Variants in NWD2 observed in about 807,000 individuals in gnomAD.
NWD2 encodes the protein NACHT and WD repeat domain containing 2.
A neutral mutation model predicts 132.7 loss-of-function variants in NWD2; 37 were observed. The observed-to-expected ratio is 0.28, with a 90% CI of 0.21 to 0.37. The LOEUF (loss-of-function observed/expected upper bound fraction) is 0.37. Among genes scored for constraint, NWD2 ranks in the 10% least tolerant of loss-of-function variants. NWD2 has a pLI of 1.00. For synonymous variants in NWD2, 705 were observed against 803.0 expected (o/e 0.88, Z 2.06); for missense variants, 1,592 against 2,122.4 (o/e 0.75, Z 4.91).
chr4:37,262,286 T>C (rs188784628), intron 1 of NWD2, among the ~76,000 whole-genome samples: 29 of 152,338 alleles, frequency 1.9e-4, no homozygotes, highest in Admixed American at 1.8e-3. Context: ...ACTCATTGAT[T>C]CAATTCATTT....
At chr4:37,333,465 A>G (rs1482046287) in intron 2 of NWD2, among the ~76,000 whole-genome samples, 1 of 152,202 alleles carries the variant, frequency 6.6e-6, no homozygotes, top group Non-Finnish European at 1.5e-5. Context: ...ATTCTTCTAG[A>G]TCTTATCCAA....
At position 37,445,654 on chromosome 4, in the gene NWD2, G is replaced by T. The variant is rs1259859183; in HGVS notation, c.3666G>T (p.Val1222=). The stretch of plus-strand genomic sequence containing the variant: ...TCTTAGATACTGGTCTGTGGAAGGT[G>T]GCTGAAAAGTTCAGAGCCAAGCACA... The part of the protein sequence containing the change: ...IELLDTGLWK[V]AEKFRAKHNE... Residue 1222 remains valine (V), a synonymous_variant, in exon 7 of 7, where the codon GTG becomes GTT. Transcript: ENST00000309447. The surrounding 1 kb of genome is among the most constrained non-coding windows in gnomAD (Gnocchi z 4.7). 2.6e-6 allele frequency: 4 copies of T among 1,552,192 alleles called. No individual in the cohort carries two copies. Among genetic ancestry groups the T allele is most frequent in the Non-Finnish European group, 3.5e-6 (4 of 1,147,122 alleles).
At chr4:37,270,215 A>ATTTTAT (rs1717839248) in intron 1 of NWD2, among the ~76,000 whole-genome samples, 1 of 151,858 alleles carries the variant, frequency 6.6e-6, no homozygotes, top group South Asian at 2.1e-4. Flanking sequence ...GAATAAGGTT[A>ATTTTAT]ACCATGCTCA....
intron 2 of NWD2, among the ~76,000 whole-genome samples, chr4:37,329,422 G>A (rs982013894): frequency 5.9e-5 from 9 of 152,150 alleles, no homozygotes; most frequent in East Asian, 1.9e-4. Context: ...AGAAAGACTC[G>A]GTGATAAGGC....
chr4:37,379,596 A>T (rs1321246261), intron 3 of NWD2, among the ~76,000 whole-genome samples: 1 of 152,150 alleles, frequency 6.6e-6, no homozygotes, highest in East Asian at 1.9e-4. Flanking sequence ...GTTCACTGAG[A>T]CACGGAATTG....
At position 37,287,506 on chromosome 4, in the gene NWD2, C is replaced by T. The variant is rs555260106; in HGVS notation, c.152-38430C>T. Among the ~76,000 whole-genome samples, 191 of 152,276 alleles carry T rather than the reference C, an allele frequency of 1.3e-3. 3 individuals are homozygous for T. Among genetic ancestry groups the T allele is most frequent in the South Asian group, 1.0e-2 (48 of 4,822 alleles). ...GTCCCCAAGAAGTGTTCCCCACAGC[C>T]CAACACAGCTGTGGCATACGGTGGC... On this transcript the variant is annotated intron_variant, in intron 1 of 6. Transcript: ENST00000309447.
At chr4:37,308,963 A>C (rs528895799) in intron 1 of NWD2, among the ~76,000 whole-genome samples, 2 of 152,128 alleles carry the variant, frequency 1.3e-5, no homozygotes, top group South Asian at 4.1e-4. Flanking sequence ...TGTAGTGGGA[A>C]GGGCCATCAG....
intron 1 of NWD2, among the ~76,000 whole-genome samples, chr4:37,324,568 T>C (rs1173784640): frequency 1.3e-5 from 2 of 152,152 alleles, no homozygotes; most frequent in African/African-American, 4.8e-5. Context: ...TATAACTGCC[T>C]CCATCAGTGC....
chr4:37,366,209 C>A (rs890672607), intron 3 of NWD2, among the ~76,000 whole-genome samples: 2 of 152,130 alleles, frequency 1.3e-5, no homozygotes, highest in Non-Finnish European at 2.9e-5. Flanking sequence ...CCAATAATAT[C>A]TTGGTGTACA....
rs973565686 is a variant in NWD2 at position 37,258,783 on chromosome 4, T to A, written c.151+13565T>A. Among the ~76,000 whole-genome samples, 32 of 152,348 alleles carry A rather than the reference T, an allele frequency of 2.1e-4. No homozygotes were observed. In the East Asian group the frequency reaches 2.5e-3, roughly 12 times the overall value. ...CTTTGGTTCTTTTGCTGAGATTTTT[T>A]TAAATATTTGAAACTCATTCTCTGT... is the stretch of plus-strand genomic sequence containing the variant. On this transcript the variant is annotated intron_variant, in intron 1 of 6. Coordinates refer to ENST00000309447, the MANE Select transcript of NWD2 (RefSeq NM_001144990.2).
chr4:37,247,151 T>C (rs1290710169), intron 1 of NWD2, among the ~76,000 whole-genome samples: 1 of 152,196 alleles, frequency 6.6e-6, no homozygotes, highest in Admixed American at 6.5e-5. Context: ...GAAGTTTCAA[T>C]AGGGGCAGGA....
chr4:37,364,445 G>C (rs577611371), intron 3 of NWD2, among the ~76,000 whole-genome samples: 1 of 152,224 alleles, frequency 6.6e-6, no homozygotes, highest in African/African-American at 2.4e-5. Flanking sequence ...TTCACATTTA[G>C]AGGGGTGTTC....
Position 37,445,407 on chromosome 4 carries a change from T to G in NWD2, c.3419T>G (p.Phe1140Cys). ...AAGTTATGTACAGTGACATCAGAATTTTCAGGTGGATTTGTGAAGTTTCTT... is the reference window on the plus strand; with the variant it reads ...AAGTTATGTACAGTGACATCAGAATGTTCAGGTGGATTTGTGAAGTTTCTT... ...GEKLCTVTSEFSGGFVKFLLI... is the reference protein window; with the variant it reads ...GEKLCTVTSECSGGFVKFLLI... Residue 1140 changes from phenylalanine to cysteine, a missense_variant, in exon 7 of 7, where the codon TTT becomes TGT. By Grantham distance (205) the Phe-to-Cys change is radical. Around this residue, in one of 7 missense-constraint regions of NWD2, gnomAD observed 1,071 missense variants for 1,398.0 expected, o/e 0.77. Coordinates refer to ENST00000309447, the MANE Select transcript of NWD2 (RefSeq NM_001144990.2). This position sits in a 1 kb window ranked among gnomAD's most constrained non-coding sequence, Gnocchi z 4.7. 1 of 1,551,976 alleles carries G rather than the reference T, an allele frequency of 6.4e-7. No individual in the cohort carries two copies. Among genetic ancestry groups the G allele is most frequent in the Non-Finnish European group, 8.7e-7 (1 of 1,147,052 alleles).
intron 1 of NWD2, among the ~76,000 whole-genome samples, chr4:37,281,160 T>TG (rs959176623): frequency 2.0e-5 from 3 of 152,038 alleles, no homozygotes; most frequent in Non-Finnish European, 4.4e-5. Context: ...AAATCAAATG[T>TG]GATCACAAAA....
At chr4:37,396,225 T>A (rs1392871601) in intron 3 of NWD2, among the ~76,000 whole-genome samples, 1 of 152,194 alleles carries the variant, frequency 6.6e-6, no homozygotes, top group Non-Finnish European at 1.5e-5. Context: ...ACAAATGATA[T>A]TATCCGATTG....
At chr4:37,441,938 G>GGGA (rs1712496064) in intron 6 of NWD2, among the ~76,000 whole-genome samples, 1 of 152,176 alleles carries the variant, frequency 6.6e-6, no homozygotes, top group South Asian at 2.1e-4. Context: ...ACATGTGACT[G>GGGA]GGAGGACGGA....
rs190170128 is a variant in NWD2, at chr4:37,426,124, T to C, written c.358-4448T>C. Among the ~76,000 whole-genome samples, 16 of 152,330 alleles carry C rather than the reference T, an allele frequency of 1.1e-4. No homozygotes were observed. In the East Asian group the frequency reaches 2.9e-3, roughly 28 times the overall value. On this transcript the variant is annotated intron_variant, in intron 3 of 6. Coordinates refer to ENST00000309447, the MANE Select transcript of NWD2 (RefSeq NM_001144990.2). ...CTTATTTGTAAATATTTGTGTGTTA[T>C]CTTAGAACTGTAACTACACACACAT...
chr4:37,280,364 C>T (rs1560384039), intron 1 of NWD2, among the ~76,000 whole-genome samples: 2 of 152,078 alleles, frequency 1.3e-5, no homozygotes, highest in African/African-American at 2.4e-5. Flanking sequence ...AGGTGGGAAC[C>T]AGCCCTGCAC....
intron 1 of NWD2, among the ~76,000 whole-genome samples, chr4:37,271,808 T>G (rs1019922139): frequency 4.0e-5 from 6 of 151,820 alleles, no homozygotes; most frequent in African/African-American, 1.4e-4. Context: ...ACCCGATAGA[T>G]TCAAGTCACT....
Sources: allele counts gnomAD v4.1 joint callset (sites outside exome capture counted in the v4.1 genomes callset), GRCh38; gene constraint gnomAD v4.1.1; regional missense constraint gnomAD v4.1.1; non-coding constraint Gnocchi (gnomAD v3.1); transcripts MANE v1.5; gene names NCBI Gene and HGNC (gene_info 2026-07-23, HGNC 2026-07-21).